TTC7A: variants seen among roughly 807,000 people sequenced by gnomAD.
The protein encoded by TTC7A is tetratricopeptide repeat domain 7A, also known as tetratricopeptide repeat protein 7A.
TTC7A carries 110 observed loss-of-function variants against 103.7 expected under a neutral mutation model. That is an observed-to-expected ratio of 1.06 (90% CI 0.91 to 1.24). The LOEUF is 1.24. Ranked by LOEUF, TTC7A falls within the 50% of genes most tolerant of loss-of-function variation. The pLI is 0.00. For synonymous variants in TTC7A, 521 were observed against 467.9 expected (o/e 1.11, Z -1.47); for missense variants, 1,340 against 1,116.3 (o/e 1.20, Z -2.86).
intron 5 of TTC7A, among the ~76,000 whole-genome samples, chr2:46,979,937 C>G (rs1328262180): frequency 6.6e-6 from 1 of 152,238 alleles, no homozygotes; most frequent in Non-Finnish European, 1.5e-5. Flanking sequence ...TAGTCACGCC[C>G]TGCCTCACTC....
chr2:47,040,557 T>TAAGCC (rs1681624522), intron 15 of TTC7A: 1 of 152,284 alleles, frequency 6.6e-6, no homozygotes, highest in East Asian at 1.9e-4. Context: ...CTTCCTGTCA[T>TAAGCC]AAGCCTGTCT....
chr2:46,973,800 A>C (rs1372539515), intron 3 of TTC7A, among the ~76,000 whole-genome samples: 2 of 152,226 alleles, frequency 1.3e-5, no homozygotes, highest in East Asian at 3.9e-4. Flanking sequence ...GTACAGTCCA[A>C]CTTGCTCACC....
At chr2:46,992,599 G>C (rs1675744984) in intron 5 of TTC7A, among the ~76,000 whole-genome samples, 1 of 152,242 alleles carries the variant, frequency 6.6e-6, no homozygotes. Flanking sequence ...GGCTTATTCT[G>C]TGAGCCCTGG....
At chr2:46,950,294 A>G in intron 1 of TTC7A, 69 bp from the exon 2 acceptor site, 1 of 1,569,282 alleles carries the variant, frequency 6.4e-7, no homozygotes, top group Non-Finnish European at 8.7e-7. Context: ...TGGGTCCAGG[A>G]GTGTGCAACT....
At chr2:46,927,562 G>A (rs375175331) in intron 2 of TTC7A, among the ~76,000 whole-genome samples, 13 of 151,788 alleles carry the variant, frequency 8.6e-5, no homozygotes, top group South Asian at 2.1e-4. Flanking sequence ...GGGTTTCACC[G>A]TGTTAGCCAG....
At chr2:46,989,601 C>T (rs180698722) in intron 5 of TTC7A, among the ~76,000 whole-genome samples, 6 of 151,238 alleles carry the variant, frequency 4.0e-5, no homozygotes, top group Non-Finnish European at 7.4e-5. Flanking sequence ...CAGCCCTGGC[C>T]ACTGGGACCT....
chr2:47,028,682 C>A (rs114393729), intron 14 of TTC7A, among the ~76,000 whole-genome samples: 2,640 of 152,302 alleles, frequency 0.017, 78 homozygotes, highest in African/African-American at 0.061. Flanking sequence ...TGTCCAGAAC[C>A]AGGCTTAATA....
chr2:46,917,985 C>G (rs1668903416), intron 2 of TTC7A, among the ~76,000 whole-genome samples: 1 of 152,190 alleles, frequency 6.6e-6, no homozygotes, highest in Admixed American at 6.5e-5. Context: ...TCCACCCTCC[C>G]TATGTGAGTT....
chr2:46,945,132 AT>A (rs967048209), intron 1 of TTC7A, among the ~76,000 whole-genome samples: 18 of 148,180 alleles, frequency 1.2e-4, no homozygotes, highest in African/African-American at 2.5e-4. Context: ...TTTCTTTTTA[AT>A]TTTTTTTTTT....
chr2:47,011,377 C>G lies in TTC7A; in HGVS notation c.1334C>G (p.Pro445Arg). The change falls in exon 11 of 20, where the codon CCC becomes CGC. Residue 445 changes from proline to arginine, a missense_variant. Transcript: ENST00000319190. ...SLLRECVKLRPSDPTVPLMAA... is the reference protein window; with the variant it reads ...SLLRECVKLRRSDPTVPLMAA... ...CTGCGGGAGTGTGTGAAGTTGCGGC[C>G]CTCGGACCCCACCGTGCCCCTGATG... 6.2e-7 allele frequency: 1 copy of G among 1,612,584 alleles called. No homozygotes were observed. Among genetic ancestry groups the G allele is most frequent in the Non-Finnish European group, 8.5e-7 (1 of 1,179,926 alleles).
chr2:47,070,724 C>G (rs1033422673), intron 19 of TTC7A, among the ~76,000 whole-genome samples: 5 of 152,080 alleles, frequency 3.3e-5, no homozygotes, highest in Non-Finnish European at 7.4e-5. Flanking sequence ...GAAGGAGGGT[C>G]CTGAGGTGGG....
chr2:47,022,764 G>A (rs1679438919), intron 12 of TTC7A, among the ~76,000 whole-genome samples: 1 of 152,182 alleles, frequency 6.6e-6, no homozygotes. Flanking sequence ...GGAGTCATCA[G>A]CCCCTTTGTC....
intron 5 of TTC7A, among the ~76,000 whole-genome samples, chr2:46,992,087 A>G (rs1039908612): frequency 1.3e-5 from 2 of 152,190 alleles, no homozygotes; most frequent in East Asian, 3.9e-4. Context: ...TTGGCTCTTC[A>G]CCCTCTGTGA....
At chr2:46,954,450 A>G (rs1471120979) in intron 2 of TTC7A, among the ~76,000 whole-genome samples, 2 of 152,180 alleles carry the variant, frequency 1.3e-5, no homozygotes, top group Admixed American at 6.5e-5. Flanking sequence ...AAGTAAGGAC[A>G]TTAAGAAGCA....
intron 2 of TTC7A, among the ~76,000 whole-genome samples, chr2:46,954,264 G>T (rs768373369): frequency 1.3e-5 from 2 of 152,094 alleles, no homozygotes; most frequent in East Asian, 3.9e-4. Flanking sequence ...AAAGGAGTAG[G>T]TGATGCGCTG....
At chr2:46,995,709 G>T (rs992206498) in intron 8 of TTC7A, among the ~76,000 whole-genome samples, 1 of 152,236 alleles carries the variant, frequency 6.6e-6, no homozygotes, top group Admixed American at 6.5e-5. Flanking sequence ...AGGTAAGTGT[G>T]CCTATGGAAG....
At chr2:47,069,240 G>A (rs143434899) in intron 19 of TTC7A, among the ~76,000 whole-genome samples, 9 of 152,280 alleles carry the variant, frequency 5.9e-5, no homozygotes, top group Non-Finnish European at 1.3e-4. Context: ...TCAATTTCTT[G>A]GAGGTTCGTC....
chr2:46,961,100 C>A (rs1672329841), intron 3 of TTC7A, among the ~76,000 whole-genome samples: 1 of 152,226 alleles, frequency 6.6e-6, no homozygotes, highest in Non-Finnish European at 1.5e-5. Flanking sequence ...GCCATGGCCC[C>A]TTTGTAACTT....
intron 2 of TTC7A, among the ~76,000 whole-genome samples, chr2:46,935,390 C>G (rs550500941): frequency 6.6e-6 from 1 of 152,254 alleles, no homozygotes; most frequent in East Asian, 1.9e-4. Flanking sequence ...AAAATAAACT[C>G]CTTTCTTGCC....
Sources: allele counts gnomAD v4.1 joint callset (sites outside exome capture counted in the v4.1 genomes callset), GRCh38; gene constraint gnomAD v4.1.1; transcripts MANE v1.5; gene names NCBI Gene and HGNC (gene_info 2026-07-23, HGNC 2026-07-21).